Variants in GK5 observed in about 807,000 individuals in gnomAD.
The protein encoded by GK5 is ATP:glycerol 3-phosphotransferase 5.
In GK5, 39 loss-of-function variants were observed where a neutral mutation model predicts 77.3. The ratio of observed to expected loss-of-function variants is 0.50; its 90% CI spans 0.39 to 0.66. The LOEUF (loss-of-function observed/expected upper bound fraction) is 0.66. Ranked by LOEUF, GK5 falls within the 30% of genes least tolerant of loss-of-function variation. The probability of loss-of-function intolerance (pLI) is 0.00; values close to 1 mark genes in which losing one functional copy is unlikely to be tolerated. For synonymous variants in GK5, 211 were observed against 208.0 expected (o/e 1.01, Z -0.13); for missense variants, 487 against 633.8 (o/e 0.77, Z 2.49).
chr3:142,188,584 G>C (rs1303882717), intron 5 of GK5, among the ~76,000 whole-genome samples: 2 of 152,194 alleles, frequency 1.3e-5, no homozygotes, highest in South Asian at 4.1e-4. Flanking sequence ...TGGCCCACAG[G>C]CCAAATCCAG....
chr3:142,193,495 A>C (rs1036589401), intron 5 of GK5, among the ~76,000 whole-genome samples: 1 of 151,546 alleles, frequency 6.6e-6, no homozygotes, highest in African/African-American at 2.4e-5. Flanking sequence ...AAAAAAAAAA[A>C]ACAAAAAAAA....
At chr3:142,209,234 T>C (rs753036354) in intron 3 of GK5, among the ~76,000 whole-genome samples, 2 of 151,766 alleles carry the variant, frequency 1.3e-5, no homozygotes, top group African/African-American at 2.4e-5. Flanking sequence ...GCTTCAGAAA[T>C]GGCAATGGAT....
intron 5 of GK5, among the ~76,000 whole-genome samples, chr3:142,197,378 T>C (rs570470529): frequency 6.6e-6 from 1 of 152,314 alleles, no homozygotes; most frequent in South Asian, 2.1e-4. Flanking sequence ...CCTTTTTATC[T>C]CTAGTAACAT....
Position 142,225,532 on chromosome 3 carries a change from G to A in GK5, c.-77C>T, listed in dbSNP as rs1321125731. 4 of 1,520,614 alleles carry A rather than the reference G, an allele frequency of 2.6e-6. No homozygotes were observed. The highest frequency in any genetic ancestry group is 2.6e-5 in the East Asian group (1 of 39,174). The allele number at this position is 1,520,614 out of a possible 1,614,324, so 94.2% of individuals were successfully genotyped here. A position where few individuals can be genotyped will look rare whatever the true frequency, so the allele number is the denominator to read the frequency against. ...CAAATCCCAATGCTCCAGAGTCCCCGGGCGGCCCAACCCGGGCCCCAACCC... is the reference window on the plus strand; with the variant it reads ...CAAATCCCAATGCTCCAGAGTCCCCAGGCGGCCCAACCCGGGCCCCAACCC... On this transcript the variant is annotated 5_prime_UTR_variant, in exon 1 of 16. Coordinates refer to ENST00000392993, the MANE Select transcript of GK5 (RefSeq NM_001039547.3).
At chr3:142,215,237 T>C (rs1284298773) in intron 2 of GK5, among the ~76,000 whole-genome samples, 1 of 152,204 alleles carries the variant, frequency 6.6e-6, no homozygotes, top group African/African-American at 2.4e-5. Flanking sequence ...TAGAAATAAC[T>C]CAGTTGTAAA....
In GK5 at chr3:142,158,788, A is replaced by C. The variant is rs2063401658; in HGVS notation, c.*6834T>G. 1 of 152,470 alleles carries C rather than the reference A, an allele frequency of 6.6e-6. No individual in the cohort carries two copies. The highest frequency in any genetic ancestry group is 2.1e-4 in the South Asian group (1 of 4,832). The allele number at this position is 152,470 out of a possible 1,614,324, so 9.4% of individuals were successfully genotyped here. A position where few individuals can be genotyped will look rare whatever the true frequency, so the allele number is the denominator to read the frequency against. On this transcript the variant is annotated 3_prime_UTR_variant, in exon 16 of 16. Transcript: ENST00000392993. ...AGCCTGCTTTAAATAAAAAGGTTAG[A>C]AACATTATGATAACTATGTACAAAG...
intron 12 of GK5, among the ~76,000 whole-genome samples, chr3:142,174,424 T>G (rs1195120269): frequency 6.6e-6 from 1 of 152,196 alleles, no homozygotes; most frequent in Non-Finnish European, 1.5e-5. Context: ...AAACTAAGAT[T>G]AGTCAGATTT....
chr3:142,181,408 A>G (rs2063695674), intron 11 of GK5, 53 bp downstream of exon 11: 1 of 1,021,456 alleles, frequency 9.8e-7, no homozygotes, highest in Non-Finnish European at 1.5e-6. Context: ...ATCCTGTGGC[A>G]TTCTTGAATT....
chr3:142,200,458 G>A (rs2064003702), intron 4 of GK5, among the ~76,000 whole-genome samples: 1 of 151,994 alleles, frequency 6.6e-6, no homozygotes, highest in Admixed American at 6.6e-5. Context: ...GTGAACCACT[G>A]CACCCTGTCA....
intron 3 of GK5, among the ~76,000 whole-genome samples, chr3:142,208,135 T>C (rs2064137643): frequency 6.6e-6 from 1 of 152,226 alleles, no homozygotes. Context: ...ATTTTTTAAA[T>C]GCAAATTGCA....
chr3:142,183,729 G>T (rs1032181221), intron 9 of GK5, among the ~76,000 whole-genome samples: 1 of 151,868 alleles, frequency 6.6e-6, no homozygotes, highest in African/African-American at 2.4e-5. Context: ...CAAAGTGCTG[G>T]GATTGCAGGT....
chr3:142,204,728 A>C lies in GK5; in HGVS notation c.378T>G (p.Leu126=), dbSNP rs144914780. The change falls in exon 4 of 16, where the codon CTT becomes CTG. Residue 126 remains leucine, a synonymous_variant. Transcript: ENST00000392993. The part of the protein sequence containing the change: ...ISWQDLRAVE[L]VKSWNNSLLM... Reference sequence around the variant, plus strand: ...GAAGAGAATTATTCCAAGATTTTACAAGTTCAACAGCTCTTAAGTCTTGCC... The same window carrying C: ...GAAGAGAATTATTCCAAGATTTTACCAGTTCAACAGCTCTTAAGTCTTGCC... 5 of 1,581,790 alleles carry C rather than the reference A, an allele frequency of 3.2e-6. No homozygotes were observed. In the African/African-American group the frequency reaches 4.1e-5, roughly 13 times the overall value.
At position 142,215,594 on chromosome 3, in the gene GK5, A is replaced by G. The variant is rs1002507872; in HGVS notation, c.241+5T>C. ...GATTATTGTTATTTTTATAAATCCAATTACCTTTGACTGCTTCTTTTATTA... is the reference window on the plus strand; with the variant it reads ...GATTATTGTTATTTTTATAAATCCAGTTACCTTTGACTGCTTCTTTTATTA... On this transcript the variant is annotated splice_donor_5th_base_variant and intron_variant, in intron 2 of 15. Transcript: ENST00000392993. 1 of 1,457,046 alleles carries G rather than the reference A, an allele frequency of 6.9e-7. No individual in the cohort carries two copies. Among genetic ancestry groups the G allele is most frequent in the Non-Finnish European group, 9.5e-7 (1 of 1,049,524 alleles). The allele number at this position is 1,457,046 out of a possible 1,614,324, so 90.3% of individuals were successfully genotyped here.
rs1577096454 is a variant in GK5 at position 142,157,716 on chromosome 3, G to C, written c.*7906C>G. 3.3e-5 allele frequency: 5 copies of C among 151,974 alleles called. No individual in the cohort carries two copies. Among genetic ancestry groups the C allele is most frequent in the Admixed American group, 3.3e-4 (5 of 15,250 alleles). 9.4% of individuals were successfully genotyped at this position (151,974 alleles called of 1,614,324 possible). On this transcript the variant is annotated 3_prime_UTR_variant, in exon 16 of 16. Transcript: ENST00000392993. ...ATCTTTCTAAATATTTTAAAATACA[G>C]TATATTTTCACAACAAATTTTATTT...
intron 1 of GK5, among the ~76,000 whole-genome samples, chr3:142,219,764 C>T (rs1187601662): frequency 6.6e-6 from 1 of 152,068 alleles, no homozygotes; most frequent in African/African-American, 2.4e-5. Flanking sequence ...TTGCTTGAGC[C>T]CAGGAGTTCA....
chr3:142,161,865 C>T lies in GK5; in HGVS notation c.*3757G>A, dbSNP rs2063428366. ...CCAGGCTAGAGTACAGTGACACCAA[C>T]TTGGCTCACTGCAGCCTCCACCTCC... On this transcript the variant is annotated 3_prime_UTR_variant, in exon 16 of 16. Coordinates refer to ENST00000392993, the MANE Select transcript of GK5 (RefSeq NM_001039547.3). The T allele has an allele frequency of 6.6e-6, 1 of 152,330 alleles. No homozygotes were observed. Among genetic ancestry groups the T allele is most frequent in the South Asian group, 2.1e-4 (1 of 4,828 alleles). 9.4% of individuals were successfully genotyped at this position (152,330 alleles called of 1,614,324 possible). A position where few individuals can be genotyped will look rare whatever the true frequency, so the allele number is the denominator to read the frequency against.
Position 142,184,845 on chromosome 3 carries a change from AAACAAC to A in GK5, c.816+1078_816+1083del, listed in dbSNP as rs756928414. The A allele has an allele frequency of 8.1e-6, 8 of 983,654 alleles. No homozygotes were observed. In the South Asian group the frequency reaches 1.4e-4, roughly 17 times the overall value. The allele number at this position is 983,654 out of a possible 1,614,324, so 60.9% of individuals were successfully genotyped here. On this transcript the variant is annotated intron_variant, in intron 9 of 15. Coordinates refer to ENST00000392993, the MANE Select transcript of GK5 (RefSeq NM_001039547.3). The stretch of plus-strand genomic sequence containing the variant: ...AGACAAGAGTGAAACTCCATCTCAA[AAACAAC>A]AACAACAACAACAACTCATTTAAAG...
intron 9 of GK5, chr3:142,185,395 A>T: frequency 1.5e-6 from 1 of 685,910 alleles, no homozygotes; most frequent in Non-Finnish European, 1.8e-6. Context: ...CCTGAGTGAC[A>T]GAGTGAGACC....
intron 15 of GK5, among the ~76,000 whole-genome samples, chr3:142,166,556 CAG>C (rs1270110834): frequency 3.3e-5 from 5 of 151,130 alleles, no homozygotes; most frequent in Non-Finnish European, 7.4e-5. Flanking sequence ...TTTTTTGAGA[CAG>C]AGTCTCTTTC....
Sources: allele counts gnomAD v4.1 joint callset (sites outside exome capture counted in the v4.1 genomes callset), GRCh38; gene constraint gnomAD v4.1.1; transcripts MANE v1.5; gene names NCBI Gene and HGNC (gene_info 2026-07-23, HGNC 2026-07-21).